UBR4: variants seen among roughly 807,000 people sequenced by gnomAD.
The protein encoded by UBR4 is E3 ubiquitin-protein ligase UBR4.
A neutral mutation model predicts 575.6 loss-of-function variants in UBR4; 124 were observed. The ratio of observed to expected loss-of-function variants is 0.22; its 90% CI spans 0.19 to 0.25. The LOEUF (loss-of-function observed/expected upper bound fraction) is 0.25, where lower values mean the gene tolerates loss of function less well. Ranked by LOEUF, UBR4 falls within the 10% of genes least tolerant of loss-of-function variation. The pLI is 1.00. For synonymous variants in UBR4, 2,455 were observed against 2,473.7 expected (o/e 0.99, Z 0.22); for missense variants, 4,818 against 6,478.8 (o/e 0.74, Z 8.80).
chr1:19,193,288 C>T (rs10799734), intron 9 of UBR4, 145 bp downstream of exon 9: 446,953 of 1,069,038 alleles, frequency 0.42, 96,863 homozygotes, highest in East Asian at 0.7. Context: ...AAGCTGGATG[C>T]CTACCTCTTA....
At chr1:19,078,174 C>T in intron 103 of UBR4, 108 bp from the exon 104 acceptor site, 1 of 1,135,462 alleles carries the variant, frequency 8.8e-7, no homozygotes, top group Non-Finnish European at 1.3e-6. Context: ...GTGTATGCAT[C>T]TCGGAGTTCC....
chr1:19,196,374 C>T (rs1036090184), intron 8 of UBR4, among the ~76,000 whole-genome samples: 1 of 152,050 alleles, frequency 6.6e-6, no homozygotes, highest in Non-Finnish European at 1.5e-5. Flanking sequence ...TCATGGTGTC[C>T]CCAAGGTCAG....
chr1:19,095,023 G>T lies in UBR4; in HGVS notation c.13629C>A (p.Ala4543=), dbSNP rs2077887076. ...CCTTGCTTTCTTGTTCAGCTACAAG[G>T]GCCTGTAGGAGAAGGAGACTCAGTC... ...LNVMLGTLNL[A]LVAEQESKDS... The change falls in exon 94 of 106, where the codon GCC becomes GCA. Residue 4543 remains alanine, a splice_region_variant and synonymous_variant. Transcript: ENST00000375254. 3.1e-6 allele frequency: 5 copies of T among 1,614,166 alleles called. No homozygotes were observed. In the East Asian group the frequency reaches 1.1e-4, roughly 36 times the overall value.
chr1:19,144,148 T>A, intron 54 of UBR4, 57 bp from the exon 55 acceptor site: 1 of 1,490,852 alleles, frequency 6.7e-7, no homozygotes, highest in Non-Finnish European at 9.3e-7. Flanking sequence ...TGAAACTCTC[T>A]ATAAAACACT....
At chr1:19,182,911 TACATAC>T (rs58126453) in intron 17 of UBR4, among the ~76,000 whole-genome samples, 40,412 of 151,754 alleles carry the variant, frequency 0.27, 6,248 homozygotes, top group East Asian at 0.6. Context: ...ATTATATATG[TACATAC>T]ACATACATAT....
rs774501186 is a variant in UBR4, at chr1:19,117,238, G to A, written c.10806C>T (p.Ile3602=). 15 of 1,612,432 alleles carry A rather than the reference G, an allele frequency of 9.3e-6. No homozygotes were observed. Among genetic ancestry groups the A allele is most frequent in the South Asian group, 3.3e-5 (3 of 91,018 alleles). Residue 3602 remains isoleucine (I), a synonymous_variant, in exon 73 of 106, where the codon ATC becomes ATT. Transcript: ENST00000375254. The surrounding 1 kb of genome is among the most constrained non-coding windows in gnomAD (Gnocchi z 4.0). The part of the protein sequence containing the change: ...LYYNNRTVQA[I]VELKNKPARW... Reference sequence around the variant, plus strand: ...GCCCGTACTTGTTTTTCAACTCCACGATGGCCTGCACGGTTCGGTTGTTAT... The same window carrying A: ...GCCCGTACTTGTTTTTCAACTCCACAATGGCCTGCACGGTTCGGTTGTTAT...
chr1:19,111,778 A>C (rs1435888707), intron 78 of UBR4: 1 of 151,884 alleles, frequency 6.6e-6, no homozygotes, highest in Admixed American at 6.6e-5. Context: ...GCACCACTAC[A>C]CCTGTCTAAT....
In UBR4 at chr1:19,158,117, C is replaced by T. The variant is rs566324248; in HGVS notation, c.5578-120G>A. On this transcript the variant is annotated intron_variant, in intron 39 of 105. Coordinates refer to ENST00000375254, the MANE Select transcript of UBR4 (RefSeq NM_020765.3). ...TTCAGTCATTCAAAAGCAGTGATTT[C>T]GGCCTCCAAACCGTGGATGGCTGTG... The T allele has an allele frequency of 1.0e-4, 111 of 1,096,370 alleles. 1 individual carries two copies. The South Asian group carries it at 1.6e-3, about 16-fold the overall frequency. 67.9% of individuals were successfully genotyped at this position (1,096,370 alleles called of 1,614,324 possible).
At chr1:19,101,767 T>A in intron 87 of UBR4, 126 bp from the exon 88 acceptor site, 2 of 1,414,588 alleles carry the variant, frequency 1.4e-6, no homozygotes, top group Non-Finnish European at 1.9e-6. Flanking sequence ...ATGCCCTACA[T>A]GGCAATATCA....
intron 35 of UBR4, 117 bp from the exon 36 acceptor site, chr1:19,162,014 G>T: frequency 2.6e-6 from 3 of 1,158,204 alleles, no homozygotes; most frequent in South Asian, 1.4e-5. Context: ...CAAATGACCC[G>T]TGGAAATCTA....
intron 55 of UBR4, among the ~76,000 whole-genome samples, chr1:19,142,859 C>T (rs1238668319): frequency 6.6e-6 from 1 of 152,114 alleles, no homozygotes; most frequent in Non-Finnish European, 1.5e-5. Context: ...CAGTGGCTCG[C>T]GCCTATAATC....
chr1:19,108,153 G>C (rs60477120), intron 81 of UBR4, among the ~76,000 whole-genome samples: 6,071 of 152,146 alleles, frequency 0.04, 351 homozygotes, highest in African/African-American at 0.13. Context: ...ACAAATTACA[G>C]GGTCTGAAAG....
In UBR4 at chr1:19,151,742, C is replaced by T. The variant is rs767177158; in HGVS notation, c.7114G>A (p.Gly2372Ser). The T allele has an allele frequency of 5.6e-5, 90 of 1,613,982 alleles. No homozygotes were observed. Among genetic ancestry groups the T allele is most frequent in the East Asian group, 1.8e-4 (8 of 44,882 alleles). Residue 2372 changes from glycine (G) to serine (S), a missense_variant, in exon 48 of 106, where the codon GGC becomes AGC. Physicochemically the swap from Gly to Ser is moderately conservative, Grantham distance 56. Around this residue, in one of 29 missense-constraint regions of UBR4, gnomAD observed 461 missense variants for 606.9 expected, o/e 0.76. Coordinates refer to ENST00000375254, the MANE Select transcript of UBR4 (RefSeq NM_020765.3). ...ERAPSYIEIF[G>S]RTMQLNLSRS... ...CTCAGGTTGAGCTGCATAGTTCTGC[C>T]GAAGATCTCGATATATGACGGGGCC...
rs1229857653 is a variant in UBR4, at chr1:19,127,043, G to C, written c.9229-388C>G. Reference sequence around the variant, plus strand: ...AAAACTTTCCATTATAGGCACTTCTGAACGACCCCACCCCACCCCCTGTAG... The same window carrying C: ...AAAACTTTCCATTATAGGCACTTCTCAACGACCCCACCCCACCCCCTGTAG... On this transcript the variant is annotated intron_variant, in intron 63 of 105. Transcript: ENST00000375254. 2.0e-5 allele frequency among the ~76,000 whole-genome samples: 3 copies of C among 152,152 alleles called. No homozygotes were observed. In the East Asian group the frequency reaches 5.8e-4, roughly 29 times the overall value.
Position 19,173,429 on chromosome 1 carries a change from T to C in UBR4, c.3165+10A>G. On this transcript the variant is annotated intron_variant, in intron 23 of 105. Transcript: ENST00000375254. Reference sequence around the variant, plus strand: ...GCTTTGAATAGTCTTAGCAGCAAGCTCTGTGTTACCTTTATCCAGTTGACA... The same window carrying C: ...GCTTTGAATAGTCTTAGCAGCAAGCCCTGTGTTACCTTTATCCAGTTGACA... The C allele has an allele frequency of 6.2e-7, 1 of 1,614,082 alleles. No individual in the cohort carries two copies. The highest frequency in any genetic ancestry group is 8.5e-7 in the Non-Finnish European group (1 of 1,179,962).
At chr1:19,109,023 T>A (rs546331939) in intron 81 of UBR4, among the ~76,000 whole-genome samples, 1 of 152,322 alleles carries the variant, frequency 6.6e-6, no homozygotes, top group Admixed American at 6.5e-5. Flanking sequence ...AATTCCTCCA[T>A]CAAAGGGAAG....
intron 17 of UBR4, among the ~76,000 whole-genome samples, chr1:19,183,022 C>G (rs868012368): frequency 6.6e-6 from 1 of 152,150 alleles, no homozygotes; most frequent in Non-Finnish European, 1.5e-5. Context: ...TGGAAGTTCA[C>G]AGTCAACGTC....
At chr1:19,165,587 C>A in intron 30 of UBR4, 69 bp downstream of exon 30, 1 of 1,486,968 alleles carries the variant, frequency 6.7e-7, no homozygotes, top group Non-Finnish European at 9.3e-7. Flanking sequence ...CCTAAATCAA[C>A]ATATATAGCT....
At position 19,088,579 on chromosome 1, in the gene UBR4, T is replaced by C. The variant is rs2077230555; in HGVS notation, c.14430+180A>G. ...AACTTCGTAAGTCACTTACTCCGAG[T>C]CTCATCTGTATGATAGAACGATAGT... is the stretch of plus-strand genomic sequence containing the variant. On this transcript the variant is annotated intron_variant, in intron 98 of 105. Coordinates refer to ENST00000375254, the MANE Select transcript of UBR4 (RefSeq NM_020765.3). This position sits in a 1 kb window ranked among gnomAD's most constrained non-coding sequence, Gnocchi z 4.0. Among the ~76,000 whole-genome samples the C allele has an allele frequency of 1.3e-5, 2 of 152,136 alleles. No individual in the cohort carries two copies. Among genetic ancestry groups the C allele is most frequent in the South Asian group, 4.1e-4 (2 of 4,828 alleles).
Sources: gnomAD v4.1 joint callset for allele counts (sites outside exome capture counted in the v4.1 genomes callset) on GRCh38, gnomAD v4.1.1 for gene constraint, gnomAD v4.1.1 regional missense constraint, Gnocchi (gnomAD v3.1) non-coding constraint, MANE v1.5 for transcripts, NCBI Gene and HGNC (gene_info 2026-07-23, HGNC 2026-07-21) for gene names.